The following DNMT3B variants were observed in gnomAD, a reference collection of about 807,000 sequenced individuals.
DNMT3B encodes DNA methyltransferase 3 beta, also known as DNA (cytosine-5)-methyltransferase 3B.
A neutral mutation model predicts 120.2 loss-of-function variants in DNMT3B; 37 were observed. The ratio of observed to expected loss-of-function variants is 0.31; its 90% CI spans 0.24 to 0.40. The LOEUF is 0.40. DNMT3B is among the 10% of genes least tolerant of loss of function. DNMT3B has a pLI of 1.00. For synonymous variants in DNMT3B, 412 were observed against 442.8 expected (o/e 0.93, Z 0.87); for missense variants, 878 against 1,137.3 (o/e 0.77, Z 3.28).
In DNMT3B at chr20:32,791,692, T is replaced by C. The variant is rs1391383394; in HGVS notation, c.905T>C (p.Met302Thr). 1.9e-6 allele frequency: 3 copies of C among 1,613,908 alleles called. No homozygotes were observed. The highest frequency in any genetic ancestry group is 1.1e-5 in the South Asian group (1 of 91,084). The change falls in exon 8 of 23, where the codon ATG (methionine) becomes ACG (threonine). Residue 302 changes from methionine (M) to threonine (T), a missense_variant. Physicochemically the swap from Met to Thr is moderately conservative, Grantham distance 81. Coordinates refer to ENST00000328111, the MANE Select transcript of DNMT3B (RefSeq NM_006892.4). The stretch of plus-strand genomic sequence containing the variant: ...AAGCTCGTCTCCTATCGAAAAGCCA[T>C]GTACCATGCTCTGGAGGTAACATGG... ...FNKLVSYRKA[M>T]YHALEKARVR...
intron 22 of DNMT3B, 118 bp downstream of exon 22, chr20:32,806,445 C>T (rs530070615): frequency 1.2e-5 from 11 of 949,330 alleles, no homozygotes; most frequent in Middle Eastern, 2.4e-4. Context: ...GTTACTGGGG[C>T]GAGGAGTAAT....
At chr20:32,764,051 A>G (rs115797953) in intron 1 of DNMT3B, among the ~76,000 whole-genome samples, 88 of 152,152 alleles carry the variant, frequency 5.8e-4, no homozygotes, top group African/African-American at 2.0e-3. Context: ...CTTAGTTTAT[A>G]GGGTTGGTAT....
intron 1 of DNMT3B, among the ~76,000 whole-genome samples, chr20:32,772,013 C>T (rs2424907): frequency 0.6 from 92,006 of 152,078 alleles, 30,987 homozygotes; most frequent in East Asian, 0.99. Flanking sequence ...ATTGATGTTG[C>T]ATTATGCAGG....
At chr20:32,785,686 T>A (rs1033567135) in intron 4 of DNMT3B, among the ~76,000 whole-genome samples, 3 of 152,160 alleles carry the variant, frequency 2.0e-5, no homozygotes, top group Non-Finnish European at 4.4e-5. Context: ...AAACATCAAC[T>A]CTTCTATGCA....
intron 1 of DNMT3B, among the ~76,000 whole-genome samples, chr20:32,773,934 G>GTTTTTTTTTTTTTTTTTTTTTTTTTTT (rs1161730284): frequency 1.4e-5 from 1 of 69,130 alleles, no homozygotes; most frequent in African/African-American, 6.6e-5. Context: ...CCCGGCAGTG[G>GTTTTTTTTTTTTTTTTTTTTTTTTTTT]TTTTTTTTTT....
At position 32,795,646 on chromosome 20, in the gene DNMT3B, A is replaced by G. The variant is rs1318071739; in HGVS notation, c.1253-4A>G. 1.4e-5 allele frequency: 22 copies of G among 1,614,012 alleles called. No homozygotes were observed. The highest frequency in any genetic ancestry group is 2.2e-5 in the East Asian group (1 of 44,902). ...CATCTCATGCCTTCTTCTTTTCTCAATAGAACAAATGGCTTCAGATGTTGC... is the reference window on the plus strand; with the variant it reads ...CATCTCATGCCTTCTTCTTTTCTCAGTAGAACAAATGGCTTCAGATGTTGC... On this transcript the variant is annotated splice_polypyrimidine_tract_variant and splice_region_variant and intron_variant, in intron 11 of 22. Coordinates refer to ENST00000328111, the MANE Select transcript of DNMT3B (RefSeq NM_006892.4).
chr20:32,800,704 C>T, intron 17 of DNMT3B, 131 bp from the exon 18 acceptor site: 1 of 1,006,298 alleles, frequency 9.9e-7, no homozygotes, highest in Non-Finnish European at 1.6e-6. Flanking sequence ...GGTAATCCAC[C>T]CCCGCCGTCA....
chr20:32,781,140 T>C, intron 2 of DNMT3B, among the ~76,000 whole-genome samples: 1 of 152,202 alleles, frequency 6.6e-6, no homozygotes, highest in East Asian at 1.9e-4. Flanking sequence ...GTTTGGGTCC[T>C]GTCACGTGCC....
chr20:32,786,351 A>G, intron 4 of DNMT3B, 151 bp from the exon 5 acceptor site: 1 of 1,115,510 alleles, frequency 9.0e-7, no homozygotes, highest in Non-Finnish European at 1.3e-6. Context: ...GACTCAGTCC[A>G]GAGTCCCACC....
chr20:32,790,435 G>A (rs1192312433), intron 7 of DNMT3B, among the ~76,000 whole-genome samples: 1 of 152,192 alleles, frequency 6.6e-6, no homozygotes, highest in East Asian at 1.9e-4. Flanking sequence ...TGGGACCTGG[G>A]TCTGGCCTGG....
chr20:32,776,875 T>C (rs1352223205), intron 1 of DNMT3B, among the ~76,000 whole-genome samples: 1 of 151,618 alleles, frequency 6.6e-6, no homozygotes, highest in African/African-American at 2.4e-5. Flanking sequence ...GCTTCCAGGC[T>C]GAGAGAACAC....
At chr20:32,786,948 AGGCAACCCTAGCGGGTAT>A (rs1979363203) in intron 5 of DNMT3B, among the ~76,000 whole-genome samples, 1 of 152,168 alleles carries the variant, frequency 6.6e-6, no homozygotes, top group African/African-American at 2.4e-5. Context: ...ACCTGTCTTG[AGGCAACCCTAGCGGGTAT>A]GGCAACATTT....
intron 3 of DNMT3B, among the ~76,000 whole-genome samples, chr20:32,781,996 GTTTCC>G (rs568911060): frequency 1.4e-3 from 216 of 152,330 alleles, no homozygotes; most frequent in African/African-American, 5.1e-3. Context: ...GCCATGAAGT[GTTTCC>G]TTTAAGTGAA....
intron 17 of DNMT3B, among the ~76,000 whole-genome samples, 156 bp from the exon 18 acceptor site, chr20:32,800,679 G>A (rs1447828871): frequency 2.6e-5 from 4 of 152,184 alleles, no homozygotes; most frequent in Admixed American, 6.5e-5. Context: ...AGCTGGTCTC[G>A]AACTCCTGAC....
At chr20:32,787,673 G>A (rs1242061321) in intron 6 of DNMT3B, among the ~76,000 whole-genome samples, 1 of 152,126 alleles carries the variant, frequency 6.6e-6, no homozygotes, top group African/African-American at 2.4e-5. Flanking sequence ...TATTTACCAC[G>A]TGAATACTGT....
chr20:32,790,770 A>G (rs1979884945), intron 7 of DNMT3B, among the ~76,000 whole-genome samples: 1 of 152,164 alleles, frequency 6.6e-6, no homozygotes, highest in Non-Finnish European at 1.5e-5. Flanking sequence ...ACCTGGGCTC[A>G]AGCAATCCTT....
At chr20:32,804,005 G>A (rs1337185298) in intron 20 of DNMT3B, among the ~76,000 whole-genome samples, 2 of 152,194 alleles carry the variant, frequency 1.3e-5, no homozygotes, top group African/African-American at 4.8e-5. Flanking sequence ...ATGATGTTAT[G>A]CCCCAGGAGG....
intron 10 of DNMT3B, among the ~76,000 whole-genome samples, chr20:32,794,424 G>A (rs1980373635): frequency 1.3e-5 from 2 of 151,454 alleles, no homozygotes; most frequent in Admixed American, 6.6e-5. Context: ...GCTCATGCCT[G>A]TAATCCCAGC....
chr20:32,799,178 C>T (rs1322071812), intron 15 of DNMT3B, 66 bp from the exon 16 acceptor site: 7 of 1,549,874 alleles, frequency 4.5e-6, no homozygotes, highest in African/African-American at 1.4e-5. Context: ...TCAGCCTGCC[C>T]CTCCCTCAGA....
Sources: allele counts gnomAD v4.1 joint callset (sites outside exome capture counted in the v4.1 genomes callset), GRCh38; gene constraint gnomAD v4.1.1; transcripts MANE v1.5; gene names NCBI Gene and HGNC (gene_info 2026-07-23, HGNC 2026-07-21).